The following SPPL3 variants were observed in gnomAD, a reference collection of about 807,000 sequenced individuals.
SPPL3 encodes signal peptide peptidase like 3, also known as signal peptide peptidase-like 3.
SPPL3 carries 5 observed loss-of-function variants against 42.4 expected under a neutral mutation model. That is an observed-to-expected ratio of 0.12 (90% CI 0.06 to 0.25). The LOEUF (loss-of-function observed/expected upper bound fraction) is 0.25, where lower values mean the gene tolerates loss of function less well. SPPL3 is among the 10% of genes least tolerant of loss of function. The pLI, the probability that SPPL3 is intolerant of heterozygous loss-of-function variation, is 1.00. For missense variants in SPPL3, 235 were observed against 489.0 expected (o/e 0.48, Z 4.90); for synonymous variants, 195 against 181.8 (o/e 1.07, Z -0.58).
In SPPL3 at chr12:120,769,069, A is replaced by G; in HGVS notation, c.503-10T>C. 1 of 1,597,160 alleles carries G rather than the reference A, an allele frequency of 6.3e-7. No homozygotes were observed. Among genetic ancestry groups the G allele is most frequent in the Non-Finnish European group, 8.5e-7 (1 of 1,171,806 alleles). On this transcript the variant is annotated splice_polypyrimidine_tract_variant and intron_variant, in intron 6 of 10. Coordinates refer to ENST00000353487, the MANE Select transcript of SPPL3 (RefSeq NM_139015.5). ...AGGCCCATGGCCAGTGCTGGGGAGG[A>G]GACAGGGTACAGCAGACAGCAGTCA... is the stretch of plus-strand genomic sequence containing the variant.
chr12:120,801,482 T>C (rs1870294813), intron 2 of SPPL3, among the ~76,000 whole-genome samples: 1 of 152,158 alleles, frequency 6.6e-6, no homozygotes, highest in African/African-American at 2.4e-5. Context: ...AACAAATCTG[T>C]ATGCCTTTTC....
At chr12:120,792,565 T>C (rs141079429) in intron 2 of SPPL3, among the ~76,000 whole-genome samples, 6 of 151,934 alleles carry the variant, frequency 3.9e-5, no homozygotes, top group Admixed American at 2.0e-4. Flanking sequence ...CTGGGCGTGG[T>C]GGTGCGTGCC....
intron 8 of SPPL3, 128 bp from the exon 9 acceptor site, chr12:120,767,721 T>C: frequency 1.1e-6 from 1 of 917,978 alleles, no homozygotes; most frequent in Non-Finnish European, 1.6e-6. Flanking sequence ...AAATCTCTTC[T>C]GATGGAACAT....
chr12:120,815,975 C>A (rs910944773), intron 1 of SPPL3, among the ~76,000 whole-genome samples: 9 of 152,046 alleles, frequency 5.9e-5, no homozygotes, highest in Non-Finnish European at 1.2e-4. Context: ...GGTGATCCAC[C>A]CACCTCAGCC....
intron 2 of SPPL3, among the ~76,000 whole-genome samples, chr12:120,800,376 A>T (rs1870249085): frequency 6.6e-6 from 1 of 152,024 alleles, no homozygotes; most frequent in African/African-American, 2.4e-5. Flanking sequence ...GGTGGCGCAC[A>T]CCTGTAATCC....
intron 1 of SPPL3, among the ~76,000 whole-genome samples, chr12:120,874,678 C>T (rs184242518): frequency 6.6e-5 from 10 of 152,128 alleles, no homozygotes; most frequent in East Asian, 5.8e-4. Context: ...CTGTCGATGT[C>T]ACACTGGAAG....
chr12:120,792,465 C>T (rs767086323), intron 2 of SPPL3, among the ~76,000 whole-genome samples: 1 of 151,646 alleles, frequency 6.6e-6, no homozygotes, highest in Non-Finnish European at 1.5e-5. Context: ...ACTTTGGGAG[C>T]CCCAGGCGGG....
intron 3 of SPPL3, among the ~76,000 whole-genome samples, chr12:120,790,170 G>A (rs1422303500): frequency 1.3e-5 from 2 of 152,172 alleles, no homozygotes; most frequent in Non-Finnish European, 2.9e-5. Flanking sequence ...CCTTGCACTA[G>A]TAATAACTAC....
intron 2 of SPPL3, among the ~76,000 whole-genome samples, chr12:120,792,892 T>C (rs1460492313): frequency 1.3e-5 from 2 of 152,052 alleles, no homozygotes; most frequent in Non-Finnish European, 2.9e-5. Flanking sequence ...CTCTGTGACC[T>C]TGGATTTGGA....
intron 1 of SPPL3, among the ~76,000 whole-genome samples, chr12:120,871,146 A>AAAAAAAAAAAAAAAAAAAAAAAAAG (rs1242592629): frequency 6.7e-6 from 1 of 149,756 alleles, no homozygotes; most frequent in African/African-American, 2.5e-5. Flanking sequence ...AAAAAAAAAA[A>AAAAAAAAAAAAAAAAAAAAAAAAAG]AAAGAAAAAG....
chr12:120,818,901 C>G (rs1373449828), intron 1 of SPPL3, among the ~76,000 whole-genome samples: 2 of 152,164 alleles, frequency 1.3e-5, no homozygotes, highest in African/African-American at 2.4e-5. Flanking sequence ...TTTTCCAAAA[C>G]AAAACAGAAC....
Position 120,831,531 on chromosome 12 carries a change from C to A in SPPL3, c.24-20645G>T, listed in dbSNP as rs571463802. ...CCACTTTGCATGCTCACTGTTTATG[C>A]CACTGTTTATGTGAAGCAGAGGTTA... On this transcript the variant is annotated intron_variant, in intron 1 of 10. Coordinates refer to ENST00000353487, the MANE Select transcript of SPPL3 (RefSeq NM_139015.5). Among the ~76,000 whole-genome samples the A allele has an allele frequency of 2.2e-4, 33 of 152,260 alleles. No individual in the cohort carries two copies. The South Asian group carries it at 6.4e-3, about 30-fold the overall frequency.
chr12:120,798,541 CAA>C (rs1285029495), intron 2 of SPPL3, among the ~76,000 whole-genome samples: 1 of 152,190 alleles, frequency 6.6e-6, no homozygotes, highest in Non-Finnish European at 1.5e-5. Context: ...GCAGAGCTAA[CAA>C]TGTGCAGGAC....
At chr12:120,766,100 GCACACACACACACACA>G (rs111837123) in intron 10 of SPPL3, among the ~76,000 whole-genome samples, 147 bp downstream of exon 10, 392 of 84,136 alleles carry the variant, frequency 4.7e-3, no homozygotes, top group Non-Finnish European at 6.3e-3. Context: ...GCGCGCGCGC[GCACACACACACACACA>G]CACACACACA....
intron 1 of SPPL3, among the ~76,000 whole-genome samples, chr12:120,863,296 T>A (rs1872666783): frequency 6.6e-6 from 1 of 151,288 alleles, no homozygotes; most frequent in Non-Finnish European, 1.5e-5. Context: ...TGCAGTGAGC[T>A]GAGATCACAC....
chr12:120,873,765 A>C (rs1193637083), intron 1 of SPPL3, among the ~76,000 whole-genome samples: 1 of 151,872 alleles, frequency 6.6e-6, no homozygotes, highest in Admixed American at 6.6e-5. Context: ...CCAGCTACTC[A>C]GGAGGCTGAG....
rs75716076 is a variant in SPPL3, at chr12:120,814,039, T to A, written c.24-3153A>T. ...CTTTTAACAGGTGAAATAATATGAT[T>A]TAAGATTTACTTTAAAATACTCTAA... On this transcript the variant is annotated intron_variant, in intron 1 of 10. Transcript: ENST00000353487. 2.8e-4 allele frequency among the ~76,000 whole-genome samples: 42 copies of A among 152,194 alleles called. No individual in the cohort carries two copies. The East Asian group carries it at 8.1e-3, about 29-fold the overall frequency.
intron 1 of SPPL3, among the ~76,000 whole-genome samples, chr12:120,814,056 A>T (rs1363171029): frequency 6.6e-6 from 1 of 152,206 alleles, no homozygotes; most frequent in Non-Finnish European, 1.5e-5. Context: ...TTACTTTAAA[A>T]TACTCTAAGA....
intron 1 of SPPL3, among the ~76,000 whole-genome samples, chr12:120,826,832 C>T (rs546676384): frequency 5.0e-4 from 76 of 152,156 alleles, no homozygotes; most frequent in African/African-American, 1.7e-3. Context: ...AACACCAATA[C>T]AATCTACTGT....
Sources: allele counts gnomAD v4.1 joint callset (sites outside exome capture counted in the v4.1 genomes callset), GRCh38; gene constraint gnomAD v4.1.1; transcripts MANE v1.5; gene names NCBI Gene and HGNC (gene_info 2026-07-23, HGNC 2026-07-21).